The following KIAA1217 variants were observed in gnomAD, a reference collection of about 807,000 sequenced individuals.
KIAA1217 encodes the protein KIAA1217.
Under a neutral mutation model 163.9 loss-of-function variants are expected in KIAA1217, and 88 were observed. The ratio of observed to expected loss-of-function variants is 0.54; its 90% CI spans 0.45 to 0.64. The LOEUF (loss-of-function observed/expected upper bound fraction) is 0.64. Among genes scored for constraint, KIAA1217 ranks in the 30% least tolerant of loss-of-function variants. The probability of loss-of-function intolerance (pLI) is 0.00; values close to 1 mark genes in which losing one functional copy is unlikely to be tolerated. For synonymous variants in KIAA1217, 903 were observed against 923.1 expected, an observed-to-expected ratio of 0.98 and a Z score of 0.39; for missense variants, 2,372 against 2,475.0, an observed-to-expected ratio of 0.96 and a Z score of 0.88.
chr10:24,014,627 A>G (rs145478801), intron 2 of KIAA1217, among the ~76,000 whole-genome samples: 274 of 152,312 alleles, frequency 1.8e-3, no homozygotes, highest in African/African-American at 6.2e-3. Flanking sequence ...GATATATTAG[A>G]TCAATACAGC....
intron 2 of KIAA1217, among the ~76,000 whole-genome samples, chr10:24,064,035 T>C (rs2060838708): frequency 6.6e-6 from 1 of 152,168 alleles, no homozygotes; most frequent in Non-Finnish European, 1.5e-5. Context: ...CTTAAGGAGA[T>C]TTAGGGCTGA....
intron 6 of KIAA1217, among the ~76,000 whole-genome samples, chr10:24,489,249 A>G (rs1346608029): frequency 1.3e-5 from 2 of 152,046 alleles, no homozygotes; most frequent in Non-Finnish European, 2.9e-5. Flanking sequence ...TCAAAAAAAA[A>G]AAAAGTTCTA....
intron 2 of KIAA1217, among the ~76,000 whole-genome samples, chr10:24,294,499 T>C (rs2079481374): frequency 6.6e-6 from 1 of 152,206 alleles, no homozygotes; most frequent in Non-Finnish European, 1.5e-5. Flanking sequence ...GTGTGGATGC[T>C]ACTTTCATTA....
rs775020819 is a variant in KIAA1217, at chr10:24,501,555, A to G, written c.2001+10A>G. The G allele has an allele frequency of 2.5e-6, 4 of 1,608,142 alleles. No individual in the cohort carries two copies. Among genetic ancestry groups the G allele is most frequent in the East Asian group, 4.5e-5 (2 of 44,746 alleles). On this transcript the variant is annotated intron_variant, in intron 9 of 20. Coordinates refer to ENST00000376454, the MANE Select transcript of KIAA1217 (RefSeq NM_019590.5). ...GATGCGGCAGCTCCAGGTATTCCTC[A>G]TGCACGGCGGCCTCTGTCTCGGTTG...
At chr10:24,332,208 A>C (rs982940620) in intron 2 of KIAA1217, among the ~76,000 whole-genome samples, 1 of 152,266 alleles carries the variant, frequency 6.6e-6, no homozygotes, top group African/African-American at 2.4e-5. Context: ...AATGAGGAGA[A>C]GAGCTGACAA....
chr10:24,542,765 C>T lies in KIAA1217; in HGVS notation c.3607C>T (p.Gln1203Ter). The T allele has an allele frequency of 6.2e-7, 1 of 1,613,960 alleles. No individual in the cohort carries two copies. The highest frequency in any genetic ancestry group is 8.5e-7 in the Non-Finnish European group (1 of 1,179,900). Residue 1203 changes from glutamine (Q) to a stop codon, truncating the protein, a stop_gained, in exon 18 of 21, where the codon CAA becomes TAA. Transcript: ENST00000376454. LOFTEE classifies it high-confidence loss of function. ...EYENGPQMEFQKVTTGAVRPS... is the reference protein window; with the variant it reads ...EYENGPQMEF The stretch of plus-strand genomic sequence containing the variant: ...TGAAAATGGCCCCCAAATGGAATTC[C>T]AAAAGGTGAGTTCACCAGATCTGGG...
At chr10:24,517,406 T>C (rs972992532) in intron 10 of KIAA1217, among the ~76,000 whole-genome samples, 1 of 152,184 alleles carries the variant, frequency 6.6e-6, no homozygotes, top group African/African-American at 2.4e-5. Context: ...CCAAGTACAC[T>C]GATTTGATCT....
chr10:24,027,860 A>C (rs770548996), intron 2 of KIAA1217, among the ~76,000 whole-genome samples: 9 of 152,156 alleles, frequency 5.9e-5, no homozygotes, highest in Non-Finnish European at 1.2e-4. Flanking sequence ...ATAATGAGTC[A>C]GATTTGCACA....
At chr10:24,230,273 G>T (rs914911780) in intron 2 of KIAA1217, among the ~76,000 whole-genome samples, 6 of 152,022 alleles carry the variant, frequency 3.9e-5, no homozygotes, top group African/African-American at 1.2e-4. Flanking sequence ...AATTTTTTTG[G>T]GGGGTGGATT....
intron 1 of KIAA1217, among the ~76,000 whole-genome samples, chr10:23,866,366 T>G (rs1289135651): frequency 6.6e-6 from 1 of 152,226 alleles, no homozygotes; most frequent in African/African-American, 2.4e-5. Flanking sequence ...AAAAGCATTC[T>G]AATAAAAGTG....
At chr10:23,756,739 C>A (rs541143476) in intron 1 of KIAA1217, among the ~76,000 whole-genome samples, 24 of 152,060 alleles carry the variant, frequency 1.6e-4, no homozygotes, top group African/African-American at 5.5e-4. Context: ...CTAATTTTTC[C>A]AATTATTTAT....
At position 24,543,587 on chromosome 10, in the gene KIAA1217, C is replaced by A. The variant is rs1448795732; in HGVS notation, c.4317C>A (p.Asp1439Glu). The A allele has an allele frequency of 1.9e-6, 3 of 1,614,060 alleles. No homozygotes were observed. In the South Asian group the frequency reaches 3.3e-5, roughly 18 times the overall value. Residue 1439 changes from aspartate to glutamate, a missense_variant, in exon 19 of 21, where the codon GAC becomes GAA. Coordinates refer to ENST00000376454, the MANE Select transcript of KIAA1217 (RefSeq NM_019590.5). ...ATGAGGATCCAGTCGTGTGCCTGGA[C>A]AAGAAACCAGTGATCATCATTTTCG... ...TDNEDPVVCL[D>E]KKPVIIIFDE... is the part of the protein sequence containing the mutation.
intron 1 of KIAA1217, among the ~76,000 whole-genome samples, chr10:23,861,680 G>A (rs1391931134): frequency 6.6e-6 from 1 of 152,188 alleles, no homozygotes; most frequent in Non-Finnish European, 1.5e-5. Flanking sequence ...AGGCCAATAG[G>A]ACGAGGATGC....
chr10:23,743,373 A>T (rs376450267), intron 1 of KIAA1217, among the ~76,000 whole-genome samples: 1 of 152,092 alleles, frequency 6.6e-6, no homozygotes, highest in Admixed American at 6.5e-5. Context: ...CAGGCATGTG[A>T]TATGTACTAA....
chr10:23,884,316 G>T (rs778828116), intron 1 of KIAA1217, among the ~76,000 whole-genome samples: 4 of 151,922 alleles, frequency 2.6e-5, no homozygotes, highest in Non-Finnish European at 5.9e-5. Flanking sequence ...ATACGAATAT[G>T]GTAACATCCC....
At chr10:23,827,660 G>A (rs1411760165) in intron 1 of KIAA1217, among the ~76,000 whole-genome samples, 3 of 152,158 alleles carry the variant, frequency 2.0e-5, no homozygotes, top group Non-Finnish European at 4.4e-5. Context: ...ACTATCTGGG[G>A]AGCTTGTTAA....
intron 2 of KIAA1217, among the ~76,000 whole-genome samples, chr10:24,059,486 C>T (rs1195805945): frequency 6.6e-6 from 1 of 152,074 alleles, no homozygotes; most frequent in East Asian, 1.9e-4. Context: ...GTTGAATTTA[C>T]CAGTGAACCA....
At chr10:24,481,110 G>A (rs2064628379) in intron 6 of KIAA1217, 2 of 152,076 alleles carry the variant, frequency 1.3e-5, no homozygotes, top group Admixed American at 1.3e-4. Flanking sequence ...CTGTAATTAT[G>A]GATCAATAAA....
At chr10:24,320,117 A>G (rs749205535) in intron 2 of KIAA1217, among the ~76,000 whole-genome samples, 26 of 152,362 alleles carry the variant, frequency 1.7e-4, no homozygotes, top group Non-Finnish European at 3.5e-4. Flanking sequence ...GCTCTTTGGC[A>G]TCTATTAAAT....
Sources: gnomAD v4.1 joint callset for allele counts (sites outside exome capture counted in the v4.1 genomes callset) on GRCh38, gnomAD v4.1.1 for gene constraint, MANE v1.5 for transcripts, NCBI Gene and HGNC (gene_info 2026-07-23, HGNC 2026-07-21) for gene names.